The following LRMDA variants were observed in gnomAD, a reference collection of about 807,000 sequenced individuals.
LRMDA encodes leucine rich melanocyte differentiation associated.
In LRMDA, 18 loss-of-function variants were observed where a neutral mutation model predicts 29.8. The ratio of observed to expected loss-of-function variants is 0.60; its 90% CI spans 0.42 to 0.90. The LOEUF is 0.90. Among genes scored for constraint, LRMDA ranks in the 40% least tolerant of loss-of-function variants. The pLI, the probability that LRMDA is intolerant of heterozygous loss-of-function variation, is 0.00. For synonymous variants in LRMDA, 125 were observed against 109.4 expected, an observed-to-expected ratio of 1.14 and a Z score of -0.89; for missense variants, 273 against 273.9, an observed-to-expected ratio of 1.00 and a Z score of 0.02.
Position 75,913,671 on chromosome 10 carries a change from G to A in LRMDA, c.132-122337G>A, listed in dbSNP as rs534188116. 2.6e-5 allele frequency among the ~76,000 whole-genome samples: 4 copies of A among 152,286 alleles called. No individual in the cohort carries two copies. The East Asian group carries it at 7.7e-4, about 30-fold the overall frequency. Reference sequence around the variant, plus strand: ...CTCTTTTCGTAGAGCTGCAGCTTTGGCATTAGGAGGGAGCCTTGGGCTCAC... The same window carrying A: ...CTCTTTTCGTAGAGCTGCAGCTTTGACATTAGGAGGGAGCCTTGGGCTCAC... On this transcript the variant is annotated intron_variant, in intron 2 of 6. Coordinates refer to ENST00000611255, the MANE Select transcript of LRMDA (RefSeq NM_001305581.2).
At chr10:75,440,479 G>A (rs1169078464) in intron 2 of LRMDA, among the ~76,000 whole-genome samples, 4 of 152,032 alleles carry the variant, frequency 2.6e-5, no homozygotes, top group African/African-American at 7.2e-5. Flanking sequence ...AAAAGTTTGT[G>A]TTTAAGAACT....
chr10:76,048,995 G>A (rs904495853), intron 4 of LRMDA, among the ~76,000 whole-genome samples: 3 of 152,084 alleles, frequency 2.0e-5, no homozygotes, highest in Admixed American at 2.0e-4. Flanking sequence ...GGAGATGCAG[G>A]GATCTTTGGC....
At chr10:75,658,901 C>G (rs997496469) in intron 2 of LRMDA, among the ~76,000 whole-genome samples, 2 of 152,148 alleles carry the variant, frequency 1.3e-5, no homozygotes, top group African/African-American at 4.8e-5. Flanking sequence ...GGGCCACTGC[C>G]CCTGTCCTTC....
At chr10:75,654,628 G>C (rs1348723780) in intron 2 of LRMDA, among the ~76,000 whole-genome samples, 1 of 152,096 alleles carries the variant, frequency 6.6e-6, no homozygotes, top group African/African-American at 2.4e-5. Flanking sequence ...TTGTCTTAGG[G>C]TAAGTTTAGC....
chr10:76,450,687 A>C (rs1330804339), intron 6 of LRMDA, among the ~76,000 whole-genome samples: 1 of 152,056 alleles, frequency 6.6e-6, no homozygotes, highest in African/African-American at 2.4e-5. Context: ...ACATTGTTTC[A>C]GTTTTACTTC....
chr10:76,150,059 C>G (rs1245784937), intron 5 of LRMDA, among the ~76,000 whole-genome samples: 1 of 152,206 alleles, frequency 6.6e-6, no homozygotes, highest in Non-Finnish European at 1.5e-5. Flanking sequence ...GTCAAACACA[C>G]TGGGCTACTG....
At position 75,608,816 on chromosome 10, in the gene LRMDA, C is replaced by T. The variant is rs1471947644; in HGVS notation, c.131+170322C>T. The stretch of plus-strand genomic sequence containing the variant: ...TCATGTTTGCACTTCACACCAGGGT[C>T]TAGCTCCTCTCTGTTCACTGTTTCT... On this transcript the variant is annotated intron_variant, in intron 2 of 6. Transcript: ENST00000611255. 3.9e-5 allele frequency among the ~76,000 whole-genome samples: 6 copies of T among 152,160 alleles called. No individual in the cohort carries two copies. In the East Asian group the frequency reaches 1.2e-3, roughly 29 times the overall value.
intron 2 of LRMDA, among the ~76,000 whole-genome samples, chr10:75,497,609 C>G (rs999897354): frequency 1.3e-5 from 2 of 151,624 alleles, no homozygotes; most frequent in Non-Finnish European, 1.5e-5. Context: ...CTAGCTAATT[C>G]CTGCTCCCTC....
chr10:75,994,283 T>A (rs1479623755), intron 2 of LRMDA, among the ~76,000 whole-genome samples: 1 of 152,234 alleles, frequency 6.6e-6, no homozygotes, highest in Non-Finnish European at 1.5e-5. Flanking sequence ...AGGAATTCAC[T>A]TAAACTGTCT....
intron 5 of LRMDA, among the ~76,000 whole-genome samples, chr10:76,162,631 T>C (rs776544479): frequency 9.9e-5 from 15 of 152,098 alleles, no homozygotes; most frequent in Admixed American, 5.2e-4. Flanking sequence ...CCAGATCTCA[T>C]GAGAAGTCAC....
At chr10:76,488,832 G>A (rs2395382) in intron 6 of LRMDA, among the ~76,000 whole-genome samples, 3,184 of 151,858 alleles carry the variant, frequency 0.021, 104 homozygotes, top group African/African-American at 0.073. Context: ...TTGAATTTGC[G>A]AGATAGATCC....
At chr10:75,890,309 T>C (rs1845462896) in intron 2 of LRMDA, among the ~76,000 whole-genome samples, 1 of 152,234 alleles carries the variant, frequency 6.6e-6, no homozygotes, top group Non-Finnish European at 1.5e-5. Context: ...ATTTGAATTC[T>C]CTCTCTATAT....
At chr10:76,505,024 T>G (rs1842945353) in intron 6 of LRMDA, among the ~76,000 whole-genome samples, 1 of 152,118 alleles carries the variant, frequency 6.6e-6, no homozygotes, top group Non-Finnish European at 1.5e-5. Flanking sequence ...TATTTGCTTG[T>G]CTGAGAAGGA....
At chr10:75,746,162 C>T (rs1428541520) in intron 2 of LRMDA, among the ~76,000 whole-genome samples, 2 of 152,136 alleles carry the variant, frequency 1.3e-5, no homozygotes, top group African/African-American at 4.8e-5. Flanking sequence ...TCTGTATCTC[C>T]CATCATACCT....
intron 2 of LRMDA, among the ~76,000 whole-genome samples, chr10:75,791,682 C>T (rs528117242): frequency 6.6e-6 from 1 of 152,216 alleles, no homozygotes; most frequent in African/African-American, 2.4e-5. Context: ...TTCTAAGGAT[C>T]TTTCTAATAA....
At chr10:76,483,782 A>T (rs1163784557) in intron 6 of LRMDA, among the ~76,000 whole-genome samples, 2 of 151,296 alleles carry the variant, frequency 1.3e-5, no homozygotes, top group African/African-American at 4.9e-5. Flanking sequence ...TTTATTTTCC[A>T]TATTTAGGTC....
intron 6 of LRMDA, among the ~76,000 whole-genome samples, chr10:76,448,871 C>T (rs1426430014): frequency 6.6e-6 from 1 of 151,844 alleles, no homozygotes; most frequent in Non-Finnish European, 1.5e-5. Context: ...ACTTCTGAGT[C>T]TATATTCTGT....
At chr10:76,553,338 G>C (rs2579745) in intron 6 of LRMDA, among the ~76,000 whole-genome samples, 147,671 of 152,366 alleles carry the variant, frequency 0.97, 71,971 homozygotes, top group Middle Eastern at 1. Context: ...TGAAGAGATA[G>C]AAACAAATGA....
intron 2 of LRMDA, among the ~76,000 whole-genome samples, chr10:75,906,251 G>A (rs1260406699): frequency 6.6e-6 from 1 of 152,176 alleles, no homozygotes; most frequent in Non-Finnish European, 1.5e-5. Flanking sequence ...TTGGTTGTCA[G>A]CTTTTTTAGT....
Sources: gnomAD v4.1 joint callset for allele counts (sites outside exome capture counted in the v4.1 genomes callset) on GRCh38, gnomAD v4.1.1 for gene constraint, MANE v1.5 for transcripts, NCBI Gene and HGNC (gene_info 2026-07-23, HGNC 2026-07-21) for gene names.